FGB: variants seen among roughly 807,000 people sequenced by gnomAD.
FGB encodes beta-fibrinogen.
Under a neutral mutation model 57.9 loss-of-function variants are expected in FGB, and 25 were observed. The observed-to-expected ratio is 0.43, with a 90% CI of 0.31 to 0.60. The LOEUF (loss-of-function observed/expected upper bound fraction) is 0.60. Among genes scored for constraint, FGB ranks in the 20% least tolerant of loss-of-function variants. The pLI is 0.08. For synonymous variants in FGB, 203 were observed against 199.2 expected (o/e 1.02, Z -0.16); for missense variants, 536 against 598.4 (o/e 0.90, Z 1.09).
At chr4:154,569,930 C>G in intron 7 of FGB, 131 bp downstream of exon 7, 1 of 902,076 alleles carries the variant, frequency 1.1e-6, no homozygotes, top group South Asian at 1.5e-5. Context: ...GCTCTTTATG[C>G]ATCACTCGAA....
At chr4:154,564,147 T>A (rs1730058769) in intron 1 of FGB, among the ~76,000 whole-genome samples, 1 of 152,056 alleles carries the variant, frequency 6.6e-6, no homozygotes, top group South Asian at 2.1e-4. Flanking sequence ...TGCAAAGCAC[T>A]TTCACATTTC....
chr4:154,563,441 G>C (rs1333008845), intron 1 of FGB, among the ~76,000 whole-genome samples: 5 of 151,740 alleles, frequency 3.3e-5, no homozygotes, highest in Non-Finnish European at 7.4e-5. Flanking sequence ...AGCAATACAG[G>C]ATTACAATTA....
Position 154,568,430 on chromosome 4 carries a change from C to T in FGB, c.768C>T (p.Leu256=), listed in dbSNP as rs1489032527. The T allele has an allele frequency of 2.5e-6, 4 of 1,609,704 alleles. No homozygotes were observed. The South Asian group carries it at 4.4e-5, about 18-fold the overall frequency. Residue 256 remains leucine, a synonymous_variant, in exon 5 of 8, where the codon CTC becomes CTT. Coordinates refer to ENST00000302068, the MANE Select transcript of FGB (RefSeq NM_005141.5). ...RKGGETSEMY[L]IQPDSSVKPY... is the part of the protein sequence containing the mutation. ...GAGGTGAAACATCTGAAATGTATCT[C>T]ATTCAACCTGACAGTTCTGTCAAAC...
At chr4:154,567,503 T>A in intron 3 of FGB, 90 bp from the exon 4 acceptor site, 1 of 797,692 alleles carries the variant, frequency 1.3e-6, no homozygotes. Context: ...TTTAATAGTT[T>A]ATTCTCAGAA....
intron 1 of FGB, among the ~76,000 whole-genome samples, chr4:154,564,963 T>C (rs1046092955): frequency 6.6e-6 from 1 of 152,168 alleles, no homozygotes; most frequent in Non-Finnish European, 1.5e-5. Flanking sequence ...AAGATAATGG[T>C]TTAACAAATA....
At chr4:154,565,364 A>G (rs1404606866) in intron 1 of FGB, 1 of 298,264 alleles carries the variant, frequency 3.4e-6, no homozygotes, top group African/African-American at 2.3e-5. Flanking sequence ...AATGTCTCTT[A>G]AATATGTTTA....
chr4:154,565,174 C>T (rs1292022839), intron 1 of FGB: 5 of 463,490 alleles, frequency 1.1e-5, no homozygotes, highest in South Asian at 3.2e-5. Context: ...TATCATTACA[C>T]TTATTTTACA....
intron 2 of FGB, 57 bp downstream of exon 2, chr4:154,566,056 G>A: frequency 5.5e-6 from 8 of 1,443,058 alleles, no homozygotes; most frequent in Non-Finnish European, 7.7e-6. Context: ...AAAGCCTGTA[G>A]TCATGGCAGT....
chr4:154,567,870 A>G (rs1730230267), intron 4 of FGB, 50 bp downstream of exon 4: 1 of 1,309,816 alleles, frequency 7.6e-7, no homozygotes, highest in Non-Finnish European at 1.1e-6. Context: ...GAACTCACAC[A>G]CCAAAAATAA....
chr4:154,570,700 C>T lies in FGB; in HGVS notation c.*50C>T. ...TTCTGTATGTGACAACATTTTTGTA[C>T]ATTATGTTATTGGAATTTTCTTTCA... On this transcript the variant is annotated 3_prime_UTR_variant, in exon 8 of 8. Transcript: ENST00000302068. 1 of 1,391,642 alleles carries T rather than the reference C, an allele frequency of 7.2e-7. No homozygotes were observed. The highest frequency in any genetic ancestry group is 1.0e-6 in the Non-Finnish European group (1 of 980,910). 86.2% of individuals were successfully genotyped at this position (1,391,642 alleles called of 1,614,324 possible).
At chr4:154,565,710 C>A in intron 1 of FGB, 98 bp from the exon 2 acceptor site, 2 of 1,250,026 alleles carry the variant, frequency 1.6e-6, no homozygotes, top group Non-Finnish European at 1.1e-6. Context: ...AATTATCAAG[C>A]TTGTGATAAC....
rs144972538 is a variant in FGB, at chr4:154,565,908, G to A, written c.215G>A (p.Arg72Gln). The A allele has an allele frequency of 1.2e-5, 19 of 1,613,918 alleles. No homozygotes were observed. Among genetic ancestry groups the A allele is most frequent in the Middle Eastern group, 1.6e-4 (1 of 6,078 alleles). ...APPPISGGGY[R>Q]ARPAKAAATQ... ...CCGCCCATCAGTGGAGGTGGCTATC[G>A]GGCTCGTCCAGCCAAAGCAGCTGCC... The change falls in exon 2 of 8, where the codon CGG (arginine) becomes CAG (glutamine). Residue 72 changes from arginine (R) to glutamine (Q), a missense_variant. Coordinates refer to ENST00000302068, the MANE Select transcript of FGB (RefSeq NM_005141.5).
At chr4:154,566,123 G>A in intron 2 of FGB, 124 bp downstream of exon 2, 1 of 912,590 alleles carries the variant, frequency 1.1e-6, no homozygotes, top group Non-Finnish European at 1.6e-6. Flanking sequence ...TGTTTATTTT[G>A]GAAATAAAAT....
chr4:154,565,650 C>A, intron 1 of FGB, 158 bp from the exon 2 acceptor site: 1 of 706,036 alleles, frequency 1.4e-6, no homozygotes, highest in Non-Finnish European at 2.4e-6. Context: ...GAACAGTAAG[C>A]AACCTACAGA....
intron 7 of FGB, 119 bp downstream of exon 7, chr4:154,569,918 A>G (rs1438237366): frequency 1.2e-5 from 13 of 1,073,448 alleles, no homozygotes; most frequent in Middle Eastern, 2.0e-4. Context: ...CCACTGTCCT[A>G]AGCTCTTTAT....
rs776510812 is a variant in FGB, at chr4:154,566,628, A to G, written c.446A>G (p.Tyr149Cys). The G allele has an allele frequency of 1.9e-6, 3 of 1,614,114 alleles. No homozygotes were observed. Among genetic ancestry groups the G allele is most frequent in the Non-Finnish European group, 2.5e-6 (3 of 1,180,008 alleles). Residue 149 changes from tyrosine (Y) to cysteine (C), a missense_variant, in exon 3 of 8, where the codon TAT becomes TGT. This residue lies in a region of FGB where 354 missense variants were observed against 383.4 expected (regional missense o/e 0.92). Transcript: ENST00000302068. Reference sequence around the variant, plus strand: ...TCCTCTTCTTCCTTTCAGTACATGTATTTGCTGAAAGACCTGTGGCAAAAG... The same window carrying G: ...TCCTCTTCTTCCTTTCAGTACATGTGTTTGCTGAAAGACCTGTGGCAAAAG... ...QTSSSSFQYMYLLKDLWQKRQ... is the reference protein window; with the variant it reads ...QTSSSSFQYMCLLKDLWQKRQ...
rs1377967103 is a variant in FGB at position 154,563,060 on chromosome 4, C to A, written c.42C>A (p.Thr14=). ...CTTGGAGCTTCCACAAACTTAAAAC[C>A]ATGAAACATCTATTATTGCTACTAT... The part of the protein sequence containing the change: ...MVSWSFHKLK[T]MKHLLLLLLC... The change falls in exon 1 of 8, where the codon ACC becomes ACA. Residue 14 remains threonine (T), a synonymous_variant. Coordinates refer to ENST00000302068, the MANE Select transcript of FGB (RefSeq NM_005141.5). 6.4e-7 allele frequency: 1 copy of A among 1,574,390 alleles called. No homozygotes were observed. Among genetic ancestry groups the A allele is most frequent in the East Asian group, 2.3e-5 (1 of 43,210 alleles).
chr4:154,570,268 G>A (rs1730362719), intron 7 of FGB, 151 bp from the exon 8 acceptor site: 2 of 692,752 alleles, frequency 2.9e-6, no homozygotes, highest in East Asian at 2.7e-5. Flanking sequence ...GGCACAGGAG[G>A]TCTTTGGTGT....
At chr4:154,563,249 ATTG>A in intron 1 of FGB, 117 bp downstream of exon 1, 1 of 565,274 alleles carries the variant, frequency 1.8e-6, no homozygotes, top group East Asian at 3.1e-5. Context: ...ATGAAATGGA[ATTG>A]TTAACCTCTG....
Sources: allele counts gnomAD v4.1 joint callset (sites outside exome capture counted in the v4.1 genomes callset), GRCh38; gene constraint gnomAD v4.1.1; regional missense constraint gnomAD v4.1.1; transcripts MANE v1.5; gene names NCBI Gene and HGNC (gene_info 2026-07-23, HGNC 2026-07-21).